Variants in RALGAPA1 observed in about 807,000 individuals in gnomAD.
RALGAPA1 encodes the protein ral GTPase-activating protein subunit alpha-1.
In RALGAPA1, 52 loss-of-function variants were observed where a neutral mutation model predicts 269.6. The ratio of observed to expected loss-of-function variants is 0.19; its 90% CI spans 0.15 to 0.24. RALGAPA1 has a LOEUF of 0.24. Among genes scored for constraint, RALGAPA1 ranks in the 10% least tolerant of loss-of-function variants. The pLI is 1.00. For synonymous variants in RALGAPA1, 817 were observed against 1,008.3 expected, an observed-to-expected ratio of 0.81 and a Z score of 3.60; for missense variants, 1,917 against 3,013.9, an observed-to-expected ratio of 0.64 and a Z score of 8.52.
chr14:35,663,362 G>A (rs1219562627), intron 27 of RALGAPA1, among the ~76,000 whole-genome samples: 1 of 151,726 alleles, frequency 6.6e-6, no homozygotes, highest in African/African-American at 2.4e-5. Context: ...TATAGAAAGT[G>A]TATGCAACAT....
chr14:35,624,510 C>G (rs921549746), intron 35 of RALGAPA1, among the ~76,000 whole-genome samples: 2 of 149,984 alleles, frequency 1.3e-5, no homozygotes, highest in Admixed American at 1.3e-4. Context: ...AAGAGGAACA[C>G]GAAGAAATAT....
intron 39 of RALGAPA1, among the ~76,000 whole-genome samples, chr14:35,562,682 C>T (rs1420722286): frequency 1.3e-5 from 2 of 152,042 alleles, no homozygotes; most frequent in Non-Finnish European, 1.5e-5. Context: ...ATACAAATCA[C>T]AAACTATAAG....
At chr14:35,726,723 A>G (rs190682393) in intron 13 of RALGAPA1, among the ~76,000 whole-genome samples, 3 of 152,380 alleles carry the variant, frequency 2.0e-5, no homozygotes, top group African/African-American at 7.2e-5. Flanking sequence ...ATTGTTTTCT[A>G]CATAGCAAGT....
intron 31 of RALGAPA1, among the ~76,000 whole-genome samples, chr14:35,640,754 T>C (rs907650454): frequency 1.3e-5 from 2 of 152,104 alleles, no homozygotes; most frequent in African/African-American, 4.8e-5. Flanking sequence ...ATTACCCTAA[T>C]ATCAAAATAA....
intron 37 of RALGAPA1, among the ~76,000 whole-genome samples, chr14:35,584,806 G>C (rs965515015): frequency 2.0e-5 from 3 of 152,014 alleles, no homozygotes; most frequent in African/African-American, 7.2e-5. Flanking sequence ...GAATACAGCA[G>C]ACAAAAATAG....
At chr14:35,633,003 A>T (rs1198955192) in intron 33 of RALGAPA1, among the ~76,000 whole-genome samples, 1 of 152,212 alleles carries the variant, frequency 6.6e-6, no homozygotes, top group East Asian at 1.9e-4. Flanking sequence ...TCCAAAGGGA[A>T]CAACTTGATA....
At chr14:35,633,164 A>C (rs2061459756) in intron 33 of RALGAPA1, among the ~76,000 whole-genome samples, 1 of 151,952 alleles carries the variant, frequency 6.6e-6, no homozygotes, top group East Asian at 1.9e-4. Flanking sequence ...AAATAAGCAA[A>C]CTCTATTGCT....
chr14:35,768,492 C>T (rs2074329992), intron 4 of RALGAPA1, among the ~76,000 whole-genome samples: 1 of 151,860 alleles, frequency 6.6e-6, no homozygotes, highest in Non-Finnish European at 1.5e-5. Context: ...AGGTTTGAGA[C>T]CAGCCTGGGC....
chr14:35,570,147 G>A (rs575979109), intron 39 of RALGAPA1, among the ~76,000 whole-genome samples: 1 of 152,068 alleles, frequency 6.6e-6, no homozygotes, highest in African/African-American at 2.4e-5. Context: ...GTGGATGCCT[G>A]TAATCCCAGC....
intron 35 of RALGAPA1, among the ~76,000 whole-genome samples, chr14:35,621,035 A>T (rs1440034134): frequency 6.6e-6 from 1 of 152,232 alleles, no homozygotes; most frequent in African/African-American, 2.4e-5. Context: ...ATGGAACCAA[A>T]AAAGAGCCCA....
rs540798896 is a variant in RALGAPA1 at position 35,628,590 on chromosome 14, C to T, written c.5996-639G>A. 9.9e-5 allele frequency among the ~76,000 whole-genome samples: 15 copies of T among 152,256 alleles called. No individual in the cohort carries two copies. The South Asian group carries it at 2.5e-3, about 25-fold the overall frequency. ...GACAGTTTGTAGATGCCTTAAATGT[C>T]ATTTAAATCTGGCTTTTACAGATAA... On this transcript the variant is annotated intron_variant, in intron 33 of 41. Coordinates refer to ENST00000680220, the MANE Select transcript of RALGAPA1 (RefSeq NM_001346249.2).
chr14:35,756,711 A>C (rs1197205329), intron 7 of RALGAPA1, 82 bp downstream of exon 7: 5 of 1,008,004 alleles, frequency 5.0e-6, no homozygotes, highest in Non-Finnish European at 7.3e-6. Flanking sequence ...ATCTACTATG[A>C]CAGAATAATG....
At chr14:35,664,590 T>C in intron 27 of RALGAPA1, 52 bp downstream of exon 27, 1 of 1,435,980 alleles carries the variant, frequency 7.0e-7, no homozygotes, top group Non-Finnish European at 9.6e-7. Flanking sequence ...TTGCATATAC[T>C]TTATGATTAT....
At chr14:35,610,931 C>G (rs1261979924) in intron 35 of RALGAPA1, among the ~76,000 whole-genome samples, 6 of 151,930 alleles carry the variant, frequency 3.9e-5, no homozygotes, top group Admixed American at 1.3e-4. Context: ...CTGTGAAGTG[C>G]AAAACTTATA....
At chr14:35,760,145 C>A (rs1379792627) in intron 6 of RALGAPA1, among the ~76,000 whole-genome samples, 1 of 152,068 alleles carries the variant, frequency 6.6e-6, no homozygotes, top group Admixed American at 6.6e-5. Flanking sequence ...CTCCAGGATA[C>A]AAGGTGATAT....
intron 38 of RALGAPA1, among the ~76,000 whole-genome samples, chr14:35,571,804 A>G (rs1325140152): frequency 6.6e-6 from 1 of 152,184 alleles, no homozygotes; most frequent in African/African-American, 2.4e-5. Context: ...GTTGTATGAA[A>G]CCAGGCTATG....
intron 39 of RALGAPA1, among the ~76,000 whole-genome samples, chr14:35,555,615 A>C (rs1356631268): frequency 1.3e-5 from 2 of 152,364 alleles, no homozygotes; most frequent in East Asian, 1.9e-4. Context: ...TTTATCGAGA[A>C]TATTTAGGAC....
intron 31 of RALGAPA1, 53 bp downstream of exon 31, chr14:35,651,752 C>A (rs2062841123): frequency 1.4e-6 from 2 of 1,478,024 alleles, no homozygotes; most frequent in Non-Finnish European, 1.8e-6. Context: ...TTTTGAAATG[C>A]AAATATTTTA....
chr14:35,767,020 A>G, intron 4 of RALGAPA1: 1 of 363,006 alleles, frequency 2.8e-6, no homozygotes, highest in South Asian at 2.4e-5. Flanking sequence ...AAAAACAAGT[A>G]AAGTTTCCTG....
Sources: allele counts gnomAD v4.1 joint callset (sites outside exome capture counted in the v4.1 genomes callset), GRCh38; gene constraint gnomAD v4.1.1; transcripts MANE v1.5; gene names NCBI Gene and HGNC (gene_info 2026-07-23, HGNC 2026-07-21).